The following TAFA4 variants were observed in gnomAD, a reference collection of about 807,000 sequenced individuals.
The protein encoded by TAFA4 is chemokine-like protein TAFA-4.
A neutral mutation model predicts 21.1 loss-of-function variants in TAFA4; 20 were observed. That is an observed-to-expected ratio of 0.95 (90% confidence interval 0.67 to 1.38). The LOEUF (loss-of-function observed/expected upper bound fraction) is 1.38, where lower values mean the gene tolerates loss of function less well. TAFA4 is among the 40% of genes most tolerant of loss of function. The probability of loss-of-function intolerance (pLI) is 0.00; values close to 1 mark genes in which losing one functional copy is unlikely to be tolerated. For synonymous variants in TAFA4, 71 were observed against 67.4 expected, an observed-to-expected ratio of 1.05 and a Z score of -0.26; for missense variants, 211 against 180.9, an observed-to-expected ratio of 1.17 and a Z score of -0.95.
At position 68,751,111 on chromosome 3, in the gene TAFA4, G is replaced by A. The variant is rs537500408; in HGVS notation, c.286+1752C>T. 6.6e-5 allele frequency among the ~76,000 whole-genome samples: 10 copies of A among 152,322 alleles called. No individual in the cohort carries two copies. The East Asian group carries it at 7.7e-4, about 12-fold the overall frequency. ...GAGGAGGGCAATGATTCAGGCAAGG[G>A]ATATAAATTAGTAATGTGCAGAAAT... On this transcript the variant is annotated intron_variant, in intron 4 of 5. Transcript: ENST00000295569.
At chr3:68,734,291 G>T (rs1351564569) in intron 5 of TAFA4, among the ~76,000 whole-genome samples, 2 of 152,160 alleles carry the variant, frequency 1.3e-5, no homozygotes, top group Non-Finnish European at 2.9e-5. Context: ...CCAAGGGCTG[G>T]ATTTGGCCTG....
At chr3:68,733,216 C>A in intron 5 of TAFA4, 63 bp from the exon 6 acceptor site, 2 of 1,581,164 alleles carry the variant, frequency 1.3e-6, no homozygotes, top group Non-Finnish European at 1.7e-6. Context: ...ACCATTCCTG[C>A]CCCCGAGACC....
At chr3:68,791,776 G>A (rs564193555) in intron 3 of TAFA4, among the ~76,000 whole-genome samples, 1 of 152,310 alleles carries the variant, frequency 6.6e-6, no homozygotes, top group East Asian at 1.9e-4. Flanking sequence ...GTAGGACACA[G>A]AAGCAAAAGG....
chr3:68,897,105 T>C (rs138293954), intron 1 of TAFA4, among the ~76,000 whole-genome samples: 30,605 of 151,830 alleles, frequency 0.2, 3,711 homozygotes, highest in East Asian at 0.49. Context: ...TTTTGCCATG[T>C]TGGCCAGGCT....
intron 3 of TAFA4, among the ~76,000 whole-genome samples, chr3:68,809,250 A>G (rs2106840927): frequency 6.6e-6 from 1 of 152,344 alleles, no homozygotes. Context: ...ATTTTAAAGT[A>G]CAGATCAAAA....
At chr3:68,756,285 G>A (rs1301221149) in intron 3 of TAFA4, among the ~76,000 whole-genome samples, 1 of 152,188 alleles carries the variant, frequency 6.6e-6, no homozygotes, top group Non-Finnish European at 1.5e-5. Flanking sequence ...TAGAGGTTCT[G>A]TTCAGAAATT....
intron 3 of TAFA4, among the ~76,000 whole-genome samples, chr3:68,813,047 A>C (rs989139349): frequency 1.4e-4 from 21 of 152,186 alleles, no homozygotes; most frequent in Non-Finnish European, 2.8e-4. Flanking sequence ...AACTACATGG[A>C]AACTGAACAA....
chr3:68,919,093 C>T (rs1335552301), intron 1 of TAFA4, among the ~76,000 whole-genome samples: 4 of 152,294 alleles, frequency 2.6e-5, no homozygotes, highest in African/African-American at 9.6e-5. Flanking sequence ...ACTGCTTCAA[C>T]CAGTTAGGAA....
chr3:68,769,409 A>T (rs1216361481), intron 3 of TAFA4, among the ~76,000 whole-genome samples: 1 of 152,198 alleles, frequency 6.6e-6, no homozygotes, highest in Non-Finnish European at 1.5e-5. Context: ...TGCTTCAGGC[A>T]TTCCCCAAAC....
At chr3:68,818,982 A>T (rs1704050630) in intron 3 of TAFA4, among the ~76,000 whole-genome samples, 2 of 152,192 alleles carry the variant, frequency 1.3e-5, no homozygotes, top group Admixed American at 1.3e-4. Context: ...AAAAATTGCA[A>T]TATTTAGGCT....
chr3:68,766,162 G>A (rs1467874393), intron 3 of TAFA4, among the ~76,000 whole-genome samples: 1 of 151,754 alleles, frequency 6.6e-6, no homozygotes, highest in Non-Finnish European at 1.5e-5. Flanking sequence ...AGGAGAAAGA[G>A]ATAATGATTA....
At chr3:68,906,143 T>G (rs2089898605) in intron 1 of TAFA4, among the ~76,000 whole-genome samples, 1 of 152,200 alleles carries the variant, frequency 6.6e-6, no homozygotes, top group Non-Finnish European at 1.5e-5. Flanking sequence ...GGAAGTAGGA[T>G]GTGGAGTAGA....
chr3:68,826,868 T>C lies in TAFA4; in HGVS notation c.130+53862A>G, dbSNP rs566991453. Among the ~76,000 whole-genome samples, 6 of 152,150 alleles carry C rather than the reference T, an allele frequency of 3.9e-5. No homozygotes were observed. In the South Asian group the frequency reaches 1.2e-3, roughly 32 times the overall value. ...ATATGAGAAGAAATAACAGGTCTTG[T>C]ATAATTTCAAAAAATTTCTGTATTT... is the stretch of plus-strand genomic sequence containing the variant. On this transcript the variant is annotated intron_variant, in intron 3 of 5. Transcript: ENST00000295569.
chr3:68,774,515 A>C (rs4855509), intron 3 of TAFA4, among the ~76,000 whole-genome samples: 16 of 152,328 alleles, frequency 1.1e-4, no homozygotes, highest in Admixed American at 2.6e-4. Context: ...ATATCAGTAA[A>C]TGTTGAGCAT....
At chr3:68,776,816 C>T (rs1328786844) in intron 3 of TAFA4, among the ~76,000 whole-genome samples, 5 of 152,080 alleles carry the variant, frequency 3.3e-5, no homozygotes, top group Non-Finnish European at 5.9e-5. Context: ...TATCTAAACA[C>T]AATTTAATTA....
chr3:68,870,276 A>T (rs535688474), intron 3 of TAFA4, among the ~76,000 whole-genome samples: 3 of 152,140 alleles, frequency 2.0e-5, no homozygotes, highest in Non-Finnish European at 4.4e-5. Context: ...AATACTACCC[A>T]AAGTGGTCTA....
At chr3:68,923,070 C>T (rs1347055196) in intron 1 of TAFA4, among the ~76,000 whole-genome samples, 7 of 152,078 alleles carry the variant, frequency 4.6e-5, no homozygotes, top group Admixed American at 6.6e-5. Flanking sequence ...TCCATGAGGC[C>T]CAGCTCTCCC....
At position 68,752,913 on chromosome 3, in the gene TAFA4, A is replaced by C; in HGVS notation, c.236T>G (p.Phe79Cys). Residue 79 changes from phenylalanine (F) to cysteine (C), a missense_variant, in exon 4 of 6, where the codon TTC (phenylalanine) becomes TGC (cysteine). Transcript: ENST00000295569. ...AGTTGTGCCCGCCACCTGTCCCGGG[A>C]AGCAAGAGCACTTGACCGTTTGTGA... is the stretch of plus-strand genomic sequence containing the variant. Reference protein sequence around the residue: ...ERSQTVKCSCFPGQVAGTTRA... With the variant: ...ERSQTVKCSCCPGQVAGTTRA... 1 of 1,614,084 alleles carries C rather than the reference A, an allele frequency of 6.2e-7. No individual in the cohort carries two copies. Among genetic ancestry groups the C allele is most frequent in the Non-Finnish European group, 8.5e-7 (1 of 1,180,032 alleles).
chr3:68,895,591 T>C (rs1488630667), intron 1 of TAFA4, among the ~76,000 whole-genome samples: 1 of 152,120 alleles, frequency 6.6e-6, no homozygotes, highest in East Asian at 1.9e-4. Context: ...ATACAGTGGG[T>C]AGGGGGAATT....
Sources: gnomAD v4.1 joint callset for allele counts (sites outside exome capture counted in the v4.1 genomes callset) on GRCh38, gnomAD v4.1.1 for gene constraint, MANE v1.5 for transcripts, NCBI Gene and HGNC (gene_info 2026-07-23, HGNC 2026-07-21) for gene names.